Variants in SLC25A15 observed in about 807,000 individuals in gnomAD.
SLC25A15 encodes the protein solute carrier family 25 member 15.
In SLC25A15, 24 loss-of-function variants were observed where a neutral mutation model predicts 32.3. The ratio of observed to expected loss-of-function variants is 0.74; its 90% CI spans 0.54 to 1.04. SLC25A15 has a LOEUF of 1.04. Among genes scored for constraint, SLC25A15 ranks in the 50% least tolerant of loss-of-function variants. The pLI, the probability that SLC25A15 is intolerant of heterozygous loss-of-function variation, is 0.00. For synonymous variants in SLC25A15, 132 were observed against 142.1 expected, an observed-to-expected ratio of 0.93 and a Z score of 0.51; for missense variants, 317 against 374.5, an observed-to-expected ratio of 0.85 and a Z score of 1.27.
chr13:40,794,793 C>G (rs1344492951), intron 2 of SLC25A15, among the ~76,000 whole-genome samples: 1 of 152,012 alleles, frequency 6.6e-6, no homozygotes, highest in East Asian at 1.9e-4. Flanking sequence ...AGCACACCCC[C>G]CACCCCCACC....
rs1485225939 is a variant in SLC25A15, at chr13:40,811,228, C to T, written c.*1561C>T. ...ATTGTAGGCCAGGCGCAGTGGCTCA[C>T]GCCTATAATCCCAGCACTTTGGGAG... On this transcript the variant is annotated 3_prime_UTR_variant, in exon 7 of 7. Transcript: ENST00000338625. Among the ~76,000 whole-genome samples, 1 of 152,220 alleles carries T rather than the reference C, an allele frequency of 6.6e-6. No individual in the cohort carries two copies. The highest frequency in any genetic ancestry group is 1.5e-5 in the Non-Finnish European group (1 of 68,040).
chr13:40,809,523 A>G lies in SLC25A15; in HGVS notation c.782-20A>G, dbSNP rs777357024. ...AAAGGAGGGATTGTTGCAGTCTTTG[A>G]CCGCCCTTTTATTTGCTAGGAATAA... is the stretch of plus-strand genomic sequence containing the variant. On this transcript the variant is annotated intron_variant, in intron 6 of 6. Transcript: ENST00000338625. 3.7e-6 allele frequency: 6 copies of G among 1,611,954 alleles called. 1 individual carries two copies. The Middle Eastern group carries it at 6.8e-4, about 182-fold the overall frequency.
At chr13:40,808,239 GA>G (rs1195395926) in intron 5 of SLC25A15, among the ~76,000 whole-genome samples, 198 bp from the exon 6 acceptor site, 2 of 152,188 alleles carry the variant, frequency 1.3e-5, no homozygotes. Flanking sequence ...CCCAGGAGTA[GA>G]CCTGGGCTAC....
At chr13:40,796,094 C>G (rs1881662423) in intron 2 of SLC25A15, among the ~76,000 whole-genome samples, 2 of 152,176 alleles carry the variant, frequency 1.3e-5, no homozygotes, top group South Asian at 4.1e-4. Context: ...TTGATAGGAG[C>G]AGAGGACCTG....
chr13:40,807,359 T>C lies in SLC25A15; in HGVS notation c.518T>C (p.Leu173Pro), dbSNP rs1174958198. 3.1e-6 allele frequency: 5 copies of C among 1,614,140 alleles called. No homozygotes were observed. Among genetic ancestry groups the C allele is most frequent in the Non-Finnish European group, 4.2e-6 (5 of 1,179,990 alleles). ...GGCCCCTTGGGGTTCTACCATGGAC[T>C]CTCAAGCACTTTACTTCGAGAAGTA... Reference protein sequence around the residue: ...KDGPLGFYHGLSSTLLREVPG... With the variant: ...KDGPLGFYHGPSSTLLREVPG... The change falls in exon 5 of 7, where the codon CTC (leucine) becomes CCC (proline). Residue 173 changes from leucine (L) to proline (P), a missense_variant. Leu to Pro is a moderately conservative substitution (Grantham distance 98). Transcript: ENST00000338625.
At position 40,801,053 on chromosome 13, in the gene SLC25A15, C is replaced by T. The variant is rs9577151; in HGVS notation, c.314+1738C>T. On this transcript the variant is annotated intron_variant, in intron 3 of 6. Coordinates refer to ENST00000338625, the MANE Select transcript of SLC25A15 (RefSeq NM_014252.4). ...TTTGAGACCAACCTGAGCAACATGG[C>T]AAAACCCCGTCACTACAAAAAATAC... Among the ~76,000 whole-genome samples, 977 of 152,032 alleles carry T rather than the reference C, an allele frequency of 6.4e-3. 65 individuals are homozygous for T. The East Asian group carries it at 0.16, about 25-fold the overall frequency.
At position 40,804,999 on chromosome 13, in the gene SLC25A15, C is replaced by T. The variant is rs1383187563; in HGVS notation, c.315-119C>T. 3.4e-6 allele frequency: 4 copies of T among 1,180,868 alleles called. No individual in the cohort carries two copies. The African/African-American group carries it at 4.5e-5, about 13-fold the overall frequency. The allele number at this position is 1,180,868 out of a possible 1,614,324, so 73.1% of individuals were successfully genotyped here. A position where few individuals can be genotyped will look rare whatever the true frequency, so the allele number is the denominator to read the frequency against. On this transcript the variant is annotated intron_variant, in intron 3 of 6. Transcript: ENST00000338625. Reference sequence around the variant, plus strand: ...TCAGTCTCCTAAGTAGCTGTAATCACAGGTTCATGCCCTCACGCCCGGCTC... The same window carrying T: ...TCAGTCTCCTAAGTAGCTGTAATCATAGGTTCATGCCCTCACGCCCGGCTC...
intron 3 of SLC25A15, among the ~76,000 whole-genome samples, chr13:40,802,743 T>G (rs1881947735): frequency 6.6e-6 from 1 of 151,880 alleles, no homozygotes; most frequent in African/African-American, 2.4e-5. Context: ...CCCAGCTAAT[T>G]TTTGTATTTT....
intron 5 of SLC25A15, 37 bp from the exon 6 acceptor site, chr13:40,808,401 G>T: frequency 6.3e-7 from 1 of 1,596,636 alleles, no homozygotes; most frequent in Non-Finnish European, 8.6e-7. Flanking sequence ...AGCTGTTCTT[G>T]AGACAAAATA....
intron 6 of SLC25A15, among the ~76,000 whole-genome samples, 153 bp from the exon 7 acceptor site, chr13:40,809,390 T>C (rs1882348610): frequency 6.6e-6 from 1 of 152,240 alleles, no homozygotes; most frequent in Admixed American, 6.5e-5. Flanking sequence ...TTAGTCTATT[T>C]AGGAAAAGCT....
intron 2 of SLC25A15, among the ~76,000 whole-genome samples, chr13:40,794,780 T>C (rs1341731234): frequency 2.6e-5 from 4 of 152,084 alleles, no homozygotes; most frequent in African/African-American, 7.2e-5. Flanking sequence ...GCTGTCCTTA[T>C]CCAGCACACC....
intron 2 of SLC25A15, among the ~76,000 whole-genome samples, chr13:40,795,986 A>G (rs1536808): frequency 0.38 from 58,399 of 151,972 alleles, 11,891 homozygotes; most frequent in East Asian, 0.52. Context: ...TCCGTAATGC[A>G]TCTGCAGCAC....
chr13:40,793,173 G>C lies in SLC25A15; in HGVS notation c.-54G>C. The C allele has an allele frequency of 1.3e-6, 2 of 1,595,012 alleles. No individual in the cohort carries two copies. Among genetic ancestry groups the C allele is most frequent in the East Asian group, 4.5e-5 (2 of 44,766 alleles). On this transcript the variant is annotated 5_prime_UTR_variant, in exon 2 of 7. Transcript: ENST00000338625. ...CTCCCCCCAGGGATATGTGGTGCCTGTCATAAGCTCCAGAGAGCTGCCTTC... is the reference window on the plus strand; with the variant it reads ...CTCCCCCCAGGGATATGTGGTGCCTCTCATAAGCTCCAGAGAGCTGCCTTC...
chr13:40,790,985 TAAG>T (rs1295691350), intron 1 of SLC25A15, among the ~76,000 whole-genome samples: 7 of 152,124 alleles, frequency 4.6e-5, no homozygotes, highest in African/African-American at 1.7e-4. Flanking sequence ...CCTTCAAAAT[TAAG>T]AAGGAAGTGT....
At chr13:40,797,156 C>T (rs1398713405) in intron 2 of SLC25A15, among the ~76,000 whole-genome samples, 1 of 152,080 alleles carries the variant, frequency 6.6e-6, no homozygotes, top group Non-Finnish European at 1.5e-5. Context: ...GTAAATTACA[C>T]GGGAAGTTAG....
intron 5 of SLC25A15, among the ~76,000 whole-genome samples, chr13:40,807,729 G>T (rs1293951299): frequency 1.3e-5 from 2 of 152,136 alleles, no homozygotes; most frequent in Non-Finnish European, 2.9e-5. Flanking sequence ...AATTTTTCTG[G>T]ATCTATTTTA....
chr13:40,804,990 C>A, intron 3 of SLC25A15, 128 bp from the exon 4 acceptor site: 1 of 1,056,140 alleles, frequency 9.5e-7, no homozygotes, highest in Non-Finnish European at 1.5e-6. Context: ...TCCTAAGTAG[C>A]TGTAATCACA....
chr13:40,791,546 CAG>C (rs1881504451), intron 1 of SLC25A15, among the ~76,000 whole-genome samples: 1 of 151,752 alleles, frequency 6.6e-6, no homozygotes, highest in African/African-American at 2.4e-5. Flanking sequence ...TAAGTAGAGA[CAG>C]GGTTACACCA....
chr13:40,810,067 G>GC lies in SLC25A15; in HGVS notation c.*400_*401insC. The GC allele has an allele frequency of 3.8e-6, 1 of 262,842 alleles. No individual in the cohort carries two copies. The highest frequency in any genetic ancestry group is 7.4e-6 in the Non-Finnish European group (1 of 134,874). The allele number at this position is 262,842 out of a possible 1,614,324, so 16.3% of individuals were successfully genotyped here. A position where few individuals can be genotyped will look rare whatever the true frequency, so the allele number is the denominator to read the frequency against. On this transcript the variant is annotated 3_prime_UTR_variant, in exon 7 of 7. Transcript: ENST00000338625. The stretch of plus-strand genomic sequence containing the variant: ...TTTCAAATATCAGAAAAACCCAGAG[G>GC]TGATCATTTCTCATGAAGATGCTTA...
Sources: allele counts gnomAD v4.1 joint callset (sites outside exome capture counted in the v4.1 genomes callset), GRCh38; gene constraint gnomAD v4.1.1; transcripts MANE v1.5; gene names NCBI Gene and HGNC (gene_info 2026-07-23, HGNC 2026-07-21).